The following OTOA variants were observed in gnomAD, a reference collection of about 807,000 sequenced individuals.
OTOA encodes the protein cancer/testis antigen 108.
A neutral mutation model predicts 110.8 loss-of-function variants in OTOA; 70 were observed. The observed-to-expected ratio is 0.63, with a 90% CI of 0.52 to 0.77. OTOA has a LOEUF of 0.77. Ranked by LOEUF, OTOA falls within the 30% of genes least tolerant of loss-of-function variation. The pLI is 0.00. For synonymous variants in OTOA, 373 were observed against 431.5 expected (o/e 0.86, Z 1.68); for missense variants, 917 against 1,075.8 (o/e 0.85, Z 2.06).
rs1280136866 is a variant in OTOA, at chr16:21,738,819, C to T, written c.2432-1902C>T. Among the ~76,000 whole-genome samples, 3 of 152,298 alleles carry T rather than the reference C, an allele frequency of 2.0e-5. No homozygotes were observed. In the East Asian group the frequency reaches 5.8e-4, roughly 29 times the overall value. On this transcript the variant is annotated intron_variant, in intron 22 of 28. Coordinates refer to ENST00000646100, the MANE Select transcript of OTOA (RefSeq NM_144672.4). ...ATTCCCATTTAGGGCTGCAGATTTC[C>T]AGGCTTGGGTGTTCTCTTGTTTTTT...
chr16:21,718,169 G>T (rs1898614984), intron 15 of OTOA, among the ~76,000 whole-genome samples: 1 of 152,130 alleles, frequency 6.6e-6, no homozygotes, highest in Non-Finnish European at 1.5e-5. Context: ...TGTTGGCCAG[G>T]CTGGTGTCGA....
intron 6 of OTOA, among the ~76,000 whole-genome samples, chr16:21,682,563 T>C (rs993015626): frequency 6.6e-6 from 1 of 152,200 alleles, no homozygotes; most frequent in African/African-American, 2.4e-5. Flanking sequence ...ATATTTGCCT[T>C]AAGGGGCAAT....
chr16:21,752,119 T>TCACC lies in OTOA; in HGVS notation c.2918+44_2918+45insCCCA. 3 of 163,246 alleles carry TCACC rather than the reference T, an allele frequency of 1.8e-5. 1 individual carries two copies. The highest frequency in any genetic ancestry group is 3.6e-5 in the Non-Finnish European group (3 of 82,886). 10.1% of individuals were successfully genotyped at this position (163,246 alleles called of 1,614,324 possible). Reference sequence around the variant, plus strand: ...TGTGCAAAATGGCAAATGGGTTAATTCATCCATCCATCCATCCATCCATCC... The same window carrying TCACC: ...TGTGCAAAATGGCAAATGGGTTAATTCACCCATCCATCCATCCATCCATCCATCC... On this transcript the variant is annotated intron_variant, in intron 25 of 28. Transcript: ENST00000646100.
At chr16:21,697,660 T>C (rs1164315080) in intron 9 of OTOA, 115 bp from the exon 10 acceptor site, 2 of 966,300 alleles carry the variant, frequency 2.1e-6, no homozygotes, top group Admixed American at 3.8e-5. Flanking sequence ...AAATAACGAA[T>C]TAATGAATGC....
rs116653572 is a variant in OTOA at position 21,683,408 on chromosome 16, T to C, written c.267+1583T>C. On this transcript the variant is annotated intron_variant, in intron 6 of 28. Transcript: ENST00000646100. ...CTGATTTAGCAAATAAAAATACAGA[T>C]GTGACTCTGCGTGGTGGCTCATGCC... 9.5e-3 allele frequency among the ~76,000 whole-genome samples: 1,447 copies of C among 152,254 alleles called. 31 individuals are homozygous for C. The highest frequency in any genetic ancestry group is 0.033 in the African/African-American group (1,375 of 41,544).
At chr16:21,688,509 G>A (rs2141662177) in intron 8 of OTOA, among the ~76,000 whole-genome samples, 1 of 152,296 alleles carries the variant, frequency 6.6e-6, no homozygotes, top group Middle Eastern at 3.4e-3. Context: ...GTGTTAGTCA[G>A]ATTGGGCTGC....
intron 19 of OTOA, among the ~76,000 whole-genome samples, chr16:21,727,742 T>C (rs1898968007): frequency 6.6e-6 from 1 of 152,066 alleles, no homozygotes; most frequent in Non-Finnish European, 1.5e-5. Context: ...CAAGCCAGGG[T>C]TTTCCAGATT....
intron 12 of OTOA, among the ~76,000 whole-genome samples, chr16:21,705,771 CT>C (rs1219689707): frequency 3.9e-5 from 6 of 152,118 alleles, no homozygotes; most frequent in Admixed American, 2.0e-4. Context: ...TGGTAAAACC[CT>C]GTCTCTACTA....
intron 9 of OTOA, among the ~76,000 whole-genome samples, chr16:21,694,960 T>A (rs1897901948): frequency 6.6e-6 from 1 of 152,184 alleles, no homozygotes; most frequent in Non-Finnish European, 1.5e-5. Context: ...AGAGTTTAAT[T>A]AGGCACAGAC....
chr16:21,720,295 C>T (rs1597840305), intron 17 of OTOA, among the ~76,000 whole-genome samples: 1 of 152,138 alleles, frequency 6.6e-6, no homozygotes, highest in Non-Finnish European at 1.5e-5. Flanking sequence ...TAAACACAGG[C>T]CTTACAGCAT....
rs16972690 is a variant in OTOA at position 21,717,069 on chromosome 16, C to T, written c.1629+22C>T. The T allele has an allele frequency of 9.2e-3, 14,817 of 1,613,350 alleles. 1,127 individuals are homozygous for T. The African/African-American group carries it at 0.17, about 18-fold the overall frequency. The stretch of plus-strand genomic sequence containing the variant: ...CCAGGTATTACCATGAAACACAGAT[C>T]GATCCTGTATTTCTGACTATCTGTC... On this transcript the variant is annotated intron_variant, in intron 15 of 28. Transcript: ENST00000646100.
chr16:21,688,350 C>T (rs1190832521), intron 8 of OTOA, among the ~76,000 whole-genome samples: 1 of 152,032 alleles, frequency 6.6e-6, no homozygotes, highest in Non-Finnish European at 1.5e-5. Context: ...GATCATGCCA[C>T]TGCACTCCAA....
chr16:21,699,647 A>G (rs1296103482), intron 10 of OTOA, among the ~76,000 whole-genome samples: 2 of 150,626 alleles, frequency 1.3e-5, no homozygotes, highest in African/African-American at 4.9e-5. Flanking sequence ...GGCCGGGCGC[A>G]GTGGCTCACG....
intron 1 of OTOA, among the ~76,000 whole-genome samples, chr16:21,669,810 T>C (rs974614805): frequency 6.6e-6 from 1 of 152,208 alleles, no homozygotes. Context: ...AACACAGCAA[T>C]CAATGTGCTT....
intron 28 of OTOA, among the ~76,000 whole-genome samples, chr16:21,759,722 G>A (rs1900107849): frequency 2.6e-5 from 4 of 152,040 alleles, no homozygotes; most frequent in Admixed American, 2.6e-4. Context: ...CCAATATGGT[G>A]AAACCCCGTC....
intron 12 of OTOA, 55 bp from the exon 13 acceptor site, chr16:21,709,833 G>A: frequency 6.7e-7 from 1 of 1,488,990 alleles, no homozygotes; most frequent in Non-Finnish European, 9.4e-7. Flanking sequence ...TATGGTCAGA[G>A]GGAGCCACCG....
intron 1 of OTOA, among the ~76,000 whole-genome samples, chr16:21,669,972 A>T (rs1323949418): frequency 6.6e-6 from 1 of 152,050 alleles, no homozygotes; most frequent in Non-Finnish European, 1.5e-5. Context: ...CCAAAAATAT[A>T]AAAATTAGCT....
intron 14 of OTOA, among the ~76,000 whole-genome samples, chr16:21,716,173 T>C (rs1862444226): frequency 6.6e-6 from 1 of 151,076 alleles, no homozygotes; most frequent in South Asian, 2.2e-4. Flanking sequence ...AGTGCTGGGA[T>C]TACAGGTGTG....
chr16:21,667,868 T>A (rs1966843916), intron 1 of OTOA, among the ~76,000 whole-genome samples: 1 of 152,172 alleles, frequency 6.6e-6, no homozygotes, highest in South Asian at 2.1e-4. Context: ...TATTATTCTT[T>A]TGGTTTTAAA....
Sources: gnomAD v4.1 joint callset for allele counts (sites outside exome capture counted in the v4.1 genomes callset) on GRCh38, gnomAD v4.1.1 for gene constraint, MANE v1.5 for transcripts, NCBI Gene and HGNC (gene_info 2026-07-23, HGNC 2026-07-21) for gene names.